DLGAP1: variants seen among roughly 807,000 people sequenced by gnomAD.
The protein encoded by DLGAP1 is DLG associated protein 1.
In DLGAP1, 11 loss-of-function variants were observed where a neutral mutation model predicts 90.8. That is an observed-to-expected ratio of 0.12 (90% CI 0.08 to 0.20). The LOEUF is 0.20. Among genes scored for constraint, DLGAP1 ranks in the 10% least tolerant of loss-of-function variants. The probability of loss-of-function intolerance (pLI) is 1.00; values close to 1 mark genes in which losing one functional copy is unlikely to be tolerated. For synonymous variants in DLGAP1, 558 were observed against 540.7 expected (o/e 1.03, Z -0.44); for missense variants, 1,050 against 1,333.8 (o/e 0.79, Z 3.31).
Position 3,534,522 on chromosome 18 carries a change from T to G in DLGAP1, c.2151A>C (p.Ile717=), listed in dbSNP as rs937448982. ...TGGGGCCAGGACACGAATTGTCCTC[T>G]ATAGATTCCAGAGAATTTTCCAGAT... The part of the protein sequence containing the change: ...HDNLENSLES[I]EDNSCPGPMA... The change falls in exon 10 of 13, where the codon ATA becomes ATC. Residue 717 remains isoleucine (I), a synonymous_variant. Transcript: ENST00000315677. The G allele has an allele frequency of 1.2e-6, 2 of 1,614,176 alleles. No individual in the cohort carries two copies. Among genetic ancestry groups the G allele is most frequent in the Non-Finnish European group, 1.7e-6 (2 of 1,180,022 alleles).
intron 7 of DLGAP1, among the ~76,000 whole-genome samples, chr18:3,675,808 A>AT (rs1233441456): frequency 6.6e-6 from 1 of 152,134 alleles, no homozygotes; most frequent in Admixed American, 6.6e-5. Context: ...CCTTTGTAGC[A>AT]TTTGCTGTTT....
At chr18:4,036,748 G>A (rs369570838) in intron 2 of DLGAP1, among the ~76,000 whole-genome samples, 12 of 152,074 alleles carry the variant, frequency 7.9e-5, no homozygotes, top group African/African-American at 2.4e-4. Flanking sequence ...TTTTCAGGGG[G>A]GGAAGGCCTG....
intron 7 of DLGAP1, among the ~76,000 whole-genome samples, chr18:3,671,343 T>TAAAC (rs1450511443): frequency 1.3e-5 from 2 of 152,194 alleles, no homozygotes; most frequent in African/African-American, 4.8e-5. Context: ...ATTTTATGTA[T>TAAAC]AAACACTACA....
At chr18:4,315,219 G>T (rs1027104364) in intron 1 of DLGAP1, among the ~76,000 whole-genome samples, 9 of 152,132 alleles carry the variant, frequency 5.9e-5, no homozygotes, top group African/African-American at 2.2e-4. Flanking sequence ...TTGAAAGAAG[G>T]TGTTTATACA....
rs1365857351 is a variant in DLGAP1, at chr18:4,239,503, AAAT to A, written c.-266-88219_-266-88217del. Among the ~76,000 whole-genome samples the A allele has an allele frequency of 2.6e-5, 4 of 152,136 alleles. No homozygotes were observed. In the East Asian group the frequency reaches 7.7e-4, roughly 29 times the overall value. On this transcript the variant is annotated intron_variant, in intron 1 of 12. Coordinates refer to ENST00000315677, the MANE Select transcript of DLGAP1 (RefSeq NM_004746.4). Reference sequence around the variant, plus strand: ...TTAGTTATGTACTCAGAAGGTCCCTAAATAAAAAGAAAACTATAAAAATTGATT... The same window carrying A: ...TTAGTTATGTACTCAGAAGGTCCCTAAAAAAGAAAACTATAAAAATTGATT...
At chr18:3,670,002 G>A (rs1392738774) in intron 7 of DLGAP1, among the ~76,000 whole-genome samples, 1 of 152,166 alleles carries the variant, frequency 6.6e-6, no homozygotes, top group African/African-American at 2.4e-5. Flanking sequence ...TGCGTAGTGA[G>A]GCACTGAAGA....
intron 1 of DLGAP1, among the ~76,000 whole-genome samples, chr18:4,260,237 C>A (rs964639199): frequency 1.3e-5 from 2 of 152,050 alleles, no homozygotes; most frequent in African/African-American, 4.8e-5. Flanking sequence ...AACTCGAAAC[C>A]GGAAATGGGC....
intron 7 of DLGAP1, among the ~76,000 whole-genome samples, chr18:3,715,934 A>G (rs934372333): frequency 6.6e-5 from 10 of 152,236 alleles, no homozygotes; most frequent in African/African-American, 2.4e-4. Flanking sequence ...AAGCCCTACA[A>G]AAATCTACAA....
Position 4,151,200 on chromosome 18 carries a change from T to C in DLGAP1, c.-179A>G, listed in dbSNP as rs1170544562. ...TTTACCTTTGATTATCAATTGTCCA[T>C]TTTCCTTGCTTCCGAGTCAGGAAAA... On this transcript the variant is annotated 5_prime_UTR_variant, in exon 2 of 13. The change abolishes an upstream ATG in the 5' untranslated region. Coordinates refer to ENST00000315677, the MANE Select transcript of DLGAP1 (RefSeq NM_004746.4). 6.6e-6 allele frequency: 1 copy of C among 152,220 alleles called. No individual in the cohort carries two copies. The highest frequency in any genetic ancestry group is 2.4e-5 in the African/African-American group (1 of 41,454). The allele number at this position is 152,220 out of a possible 1,614,324, so 9.4% of individuals were successfully genotyped here. A position where few individuals can be genotyped will look rare whatever the true frequency, so the allele number is the denominator to read the frequency against.
chr18:4,369,290 A>AGTGTGT (rs141011243), intron 1 of DLGAP1, among the ~76,000 whole-genome samples: 34 of 152,060 alleles, frequency 2.2e-4, no homozygotes, highest in African/African-American at 7.5e-4. Flanking sequence ...CATGCATATG[A>AGTGTGT]GTGTGCGTGT....
chr18:3,773,641 A>G (rs1038883405), intron 5 of DLGAP1, among the ~76,000 whole-genome samples: 3 of 152,246 alleles, frequency 2.0e-5, no homozygotes, highest in Admixed American at 1.3e-4. Context: ...AATAGTGTTC[A>G]TAAATAACTT....
chr18:4,356,536 G>A (rs1401467420), intron 1 of DLGAP1, among the ~76,000 whole-genome samples: 1 of 152,130 alleles, frequency 6.6e-6, no homozygotes, highest in Admixed American at 6.5e-5. Flanking sequence ...CTCCTCTCAT[G>A]CATCATGTCC....
intron 2 of DLGAP1, among the ~76,000 whole-genome samples, chr18:4,008,226 T>C (rs59537088): frequency 0.29 from 43,083 of 146,710 alleles, 6,664 homozygotes; most frequent in African/African-American, 0.42. Context: ...TATATATATA[T>C]ACACACACAC....
At chr18:4,379,394 G>T (rs2082074795) in intron 1 of DLGAP1, among the ~76,000 whole-genome samples, 2 of 152,120 alleles carry the variant, frequency 1.3e-5, no homozygotes, top group African/African-American at 4.8e-5. Flanking sequence ...TTTTCTTAGA[G>T]AAGCTAATTT....
intron 1 of DLGAP1, among the ~76,000 whole-genome samples, chr18:4,448,130 A>G (rs16946833): frequency 0.14 from 21,362 of 152,136 alleles, 1,714 homozygotes; most frequent in Admixed American, 0.23. Context: ...TTACAAATCC[A>G]TGAAAATCTA....
At chr18:4,410,643 G>A (rs1659943301) in intron 1 of DLGAP1, among the ~76,000 whole-genome samples, 1 of 151,402 alleles carries the variant, frequency 6.6e-6, no homozygotes, top group Non-Finnish European at 1.5e-5. Flanking sequence ...TACAGTATCC[G>A]CTGATCCAGC....
chr18:3,794,986 A>C (rs986391638), intron 5 of DLGAP1, among the ~76,000 whole-genome samples: 2 of 152,248 alleles, frequency 1.3e-5, no homozygotes, highest in Admixed American at 6.5e-5. Context: ...AGAATATGGA[A>C]TATCTTAGAG....
chr18:3,518,892 A>C (rs1043247758), intron 10 of DLGAP1, among the ~76,000 whole-genome samples: 1 of 152,224 alleles, frequency 6.6e-6, no homozygotes, highest in African/African-American at 2.4e-5. Flanking sequence ...CTCCCTCCCC[A>C]GTAGTGTGGA....
At chr18:3,601,057 T>G (rs1156905753) in intron 7 of DLGAP1, among the ~76,000 whole-genome samples, 1 of 140,872 alleles carries the variant, frequency 7.1e-6, no homozygotes, top group African/African-American at 2.8e-5. Flanking sequence ...TAGATAGATA[T>G]ATAGATATAT....
Sources: allele counts gnomAD v4.1 joint callset (sites outside exome capture counted in the v4.1 genomes callset), GRCh38; gene constraint gnomAD v4.1.1; transcripts MANE v1.5; gene names NCBI Gene and HGNC (gene_info 2026-07-23, HGNC 2026-07-21).